CHRND: variants seen among roughly 807,000 people sequenced by gnomAD.
CHRND encodes cholinergic receptor nicotinic delta subunit, also known as acetylcholine receptor subunit delta.
In CHRND, 40 loss-of-function variants were observed where a neutral mutation model predicts 57.8. That is an observed-to-expected ratio of 0.69 (90% CI 0.54 to 0.90). The LOEUF is 0.90. CHRND is among the 40% of genes least tolerant of loss of function. The pLI is 0.00. For missense variants in CHRND, 634 were observed against 673.9 expected (o/e 0.94, Z 0.66); for synonymous variants, 237 against 270.6 (o/e 0.88, Z 1.22).
chr2:232,528,787 C>T, intron 5 of CHRND, 75 bp from the exon 6 acceptor site: 1 of 1,568,346 alleles, frequency 6.4e-7, no homozygotes. Flanking sequence ...CAATGGTCCT[C>T]CCTTACCAGC....
intron 11 of CHRND, among the ~76,000 whole-genome samples, 165 bp from the exon 12 acceptor site, chr2:232,534,965 G>A (rs1297716341): frequency 6.6e-6 from 1 of 152,226 alleles, no homozygotes. Context: ...GGCCAGAGGG[G>A]CCTGGGACCT....
chr2:232,531,399 G>A lies in CHRND; in HGVS notation c.868G>A (p.Val290Ile), dbSNP rs771806326. ...CATCTCGGTGCTCCTGGCTCAGTCT[G>A]TCTTCCTGCTGCTCATCTCCAAGCG... ...VAISVLLAQS[V>I]FLLLISKRLP... is the part of the protein sequence containing the mutation. Residue 290 changes from valine (V) to isoleucine (I), a missense_variant, in exon 8 of 12, where the codon GTC becomes ATC. Transcript: ENST00000258385. 6 of 1,613,708 alleles carry A rather than the reference G, an allele frequency of 3.7e-6. No individual in the cohort carries two copies. The South Asian group carries it at 4.4e-5, about 12-fold the overall frequency.
chr2:232,529,677 C>T (rs1025462253), intron 6 of CHRND, among the ~76,000 whole-genome samples: 1 of 152,208 alleles, frequency 6.6e-6, no homozygotes, highest in African/African-American at 2.4e-5. Flanking sequence ...AAAGATACTC[C>T]TTATTTGAGT....
chr2:232,526,609 G>A lies in CHRND; in HGVS notation c.133G>A (p.Val45Met), dbSNP rs372310402. The change falls in exon 2 of 12, where the codon GTG becomes ATG. Residue 45 changes from valine (V) to methionine (M), a missense_variant. By Grantham distance (21) the Val-to-Met change is conservative. Transcript: ENST00000258385. The stretch of plus-strand genomic sequence containing the variant: ...GGGCTACAACAAGGAGCTCCGGCCC[G>A]TGGCACACAAAGAGGAGAGTGTGGA... ...EKGYNKELRP[V>M]AHKEESVDVA... 38 of 1,613,716 alleles carry A rather than the reference G, an allele frequency of 2.4e-5. No individual in the cohort carries two copies. Among genetic ancestry groups the A allele is most frequent in the Middle Eastern group, 3.3e-4 (2 of 6,084 alleles).
Position 232,534,293 on chromosome 2 carries a change from G to A in CHRND, c.1322G>A (p.Gly441Glu). Residue 441 changes from glycine to glutamate, a missense_variant, in exon 11 of 12, where the codon GGG (glycine) becomes GAG (glutamate). Coordinates refer to ENST00000258385, the MANE Select transcript of CHRND (RefSeq NM_000751.3). ...AATGAGCTGAAGCCAGCTGTGGATG[G>A]GGCAAACTTCATTGTTAACCACATG... ...LFNELKPAVD[G>E]ANFIVNHMRD... 2 of 1,614,188 alleles carry A rather than the reference G, an allele frequency of 1.2e-6. No individual in the cohort carries two copies.
In CHRND at chr2:232,531,556, G is replaced by A; in HGVS notation, c.947G>A (p.Gly316Asp). Reference protein sequence around the residue: ...IPLIGKFLLFGMVLVTMVVVI... With the variant: ...IPLIGKFLLFDMVLVTMVVVI... ...TTTGCCCACAGGTTCCTGCTCTTCG[G>A]CATGGTGCTGGTCACCATGGTTGTG... is the stretch of plus-strand genomic sequence containing the variant. Residue 316 changes from glycine to aspartate, a missense_variant, in exon 9 of 12, where the codon GGC (glycine) becomes GAC (aspartate). Transcript: ENST00000258385. 4 of 1,614,104 alleles carry A rather than the reference G, an allele frequency of 2.5e-6. No individual in the cohort carries two copies. The highest frequency in any genetic ancestry group is 8.5e-7 in the Non-Finnish European group (1 of 1,180,022).
rs1263248508 is a variant in CHRND at position 232,535,874 on chromosome 2, G to C, written c.*562G>C. Reference sequence around the variant, plus strand: ...GGTCCCTTTGGGAAGTTGAGGACTGGAGTGGAAAGGTCAGGATCGACATCC... The same window carrying C: ...GGTCCCTTTGGGAAGTTGAGGACTGCAGTGGAAAGGTCAGGATCGACATCC... On this transcript the variant is annotated 3_prime_UTR_variant, in exon 12 of 12. Coordinates refer to ENST00000258385, the MANE Select transcript of CHRND (RefSeq NM_000751.3). 2 of 453,966 alleles carry C rather than the reference G, an allele frequency of 4.4e-6. No homozygotes were observed. Among genetic ancestry groups the C allele is most frequent in the Non-Finnish European group, 8.8e-6 (2 of 226,812 alleles). 28.1% of individuals were successfully genotyped at this position (453,966 alleles called of 1,614,324 possible).
intron 11 of CHRND, 39 bp downstream of exon 11, chr2:232,534,381 T>C: frequency 6.3e-7 from 1 of 1,576,684 alleles, no homozygotes; most frequent in Non-Finnish European, 8.7e-7. Context: ...GGTGTTCAAG[T>C]AGGGCACTGA....
chr2:232,534,247 C>T lies in CHRND; in HGVS notation c.1276C>T (p.Gln426Ter). 1 of 1,614,198 alleles carries T rather than the reference C, an allele frequency of 6.2e-7. No individual in the cohort carries two copies. ...TARRPPASSE[Q>*]AQQELFNELK... ...AGGCCGGCCCCCAGCAAGCTCTGAG[C>T]AGGCCCAGCAGGAACTCTTCAATGA... is the stretch of plus-strand genomic sequence containing the variant. The change falls in exon 11 of 12, where the codon CAG becomes TAG. Residue 426 changes from glutamine to a stop codon, truncating the protein, a stop_gained. Coordinates refer to ENST00000258385, the MANE Select transcript of CHRND (RefSeq NM_000751.3). LOFTEE classifies it high-confidence loss of function.
At chr2:232,528,830 G>A (rs200254416) in intron 5 of CHRND, 32 bp from the exon 6 acceptor site, 68 of 1,596,058 alleles carry the variant, frequency 4.3e-5, no homozygotes, top group East Asian at 3.8e-4. Context: ...GCCACTGGCC[G>A]AGTGTCACTC....
Position 232,529,851 on chromosome 2 carries a change from G to T in CHRND, c.620-88G>T, listed in dbSNP as rs900497802. 664 of 1,420,388 alleles carry T rather than the reference G, an allele frequency of 4.7e-4. 1 individual carries two copies. The highest frequency in any genetic ancestry group is 4.2e-3 in the Admixed American group (225 of 53,072). The allele number at this position is 1,420,388 out of a possible 1,614,324, so 88.0% of individuals were successfully genotyped here. A position where few individuals can be genotyped will look rare whatever the true frequency, so the allele number is the denominator to read the frequency against. The stretch of plus-strand genomic sequence containing the variant: ...CCCATCTGCGTCTCTGGACTGGCTT[G>T]CCCTGCCCAGCCCCTCATTCTGTCC... On this transcript the variant is annotated intron_variant, in intron 6 of 11. Coordinates refer to ENST00000258385, the MANE Select transcript of CHRND (RefSeq NM_000751.3).
chr2:232,528,534 C>G lies in CHRND; in HGVS notation c.387C>G (p.Cys129Trp), dbSNP rs1274705959. 1 of 1,614,172 alleles carries G rather than the reference C, an allele frequency of 6.2e-7. No individual in the cohort carries two copies. Among genetic ancestry groups the G allele is most frequent in the Non-Finnish European group, 8.5e-7 (1 of 1,180,040 alleles). ...NDGSFQISYS[C>W]NVLVYHYGFV... ...GCTCCTTCCAGATCTCCTACTCCTG[C>G]AACGTGCTTGTCTACCACTACGGCT... Residue 129 changes from cysteine (C) to tryptophan (W), a missense_variant, in exon 5 of 12, where the codon TGC becomes TGG. Coordinates refer to ENST00000258385, the MANE Select transcript of CHRND (RefSeq NM_000751.3).
Position 232,528,446 on chromosome 2 carries a change from C to T in CHRND, c.354-55C>T, listed in dbSNP as rs1691562601. The T allele has an allele frequency of 3.1e-6, 5 of 1,613,908 alleles. No homozygotes were observed. In the Admixed American group the frequency reaches 5.0e-5, roughly 16 times the overall value. ...CTTAAGCCTCCTCTGCCTCCCCCAA[C>T]TCTGCCAGTCGTGAGTGGCCAGAGC... On this transcript the variant is annotated intron_variant, in intron 4 of 11. Transcript: ENST00000258385.
chr2:232,534,211 C>T lies in CHRND; in HGVS notation c.1253-13C>T. On this transcript the variant is annotated splice_polypyrimidine_tract_variant and intron_variant, in intron 10 of 11. Coordinates refer to ENST00000258385, the MANE Select transcript of CHRND (RefSeq NM_000751.3). ...AGGCAGGCCTCACACCCACTCTGGC[C>T]CCTCGTCTGTAGGCCGGCCCCCAGC... The T allele has an allele frequency of 6.2e-7, 1 of 1,614,166 alleles. No homozygotes were observed. The highest frequency in any genetic ancestry group is 1.1e-5 in the South Asian group (1 of 91,082).
intron 3 of CHRND, 21 bp downstream of exon 3, chr2:232,527,466 C>A (rs372561197): frequency 6.2e-7 from 1 of 1,601,692 alleles, no homozygotes; most frequent in Non-Finnish European, 8.5e-7. Context: ...CCCTCCCAGC[C>A]GGGCGCAGTG....
chr2:232,530,048 C>T lies in CHRND; in HGVS notation c.729C>T (p.Arg243=), dbSNP rs1333379866. Residue 243 remains arginine (R), a synonymous_variant, in exon 7 of 12, where the codon CGC becomes CGT. Transcript: ENST00000258385. ...ACATCACCTTCTACCTCATCATCCG[C>T]CGCAAGCCCCTCTTCTACATCATCA... ...RQDITFYLII[R]RKPLFYIINI... 1 of 1,614,138 alleles carries T rather than the reference C, an allele frequency of 6.2e-7. No individual in the cohort carries two copies.
At position 232,535,913 on chromosome 2, in the gene CHRND, G is replaced by T. The variant is rs1165701863; in HGVS notation, c.*601G>T. 1 of 453,950 alleles carries T rather than the reference G, an allele frequency of 2.2e-6. No homozygotes were observed. The highest frequency in any genetic ancestry group is 4.4e-6 in the Non-Finnish European group (1 of 226,796). 28.1% of individuals were successfully genotyped at this position (453,950 alleles called of 1,614,324 possible). A position where few individuals can be genotyped will look rare whatever the true frequency, so the allele number is the denominator to read the frequency against. On this transcript the variant is annotated 3_prime_UTR_variant, in exon 12 of 12. Coordinates refer to ENST00000258385, the MANE Select transcript of CHRND (RefSeq NM_000751.3). ...GGATCGACATCCACAAAGACTTGGG[G>T]TCAGCCTGAGGTTGCACACACAATC...
At chr2:232,526,757 G>GC in intron 2 of CHRND, 83 bp downstream of exon 2, 1 of 1,461,172 alleles carries the variant, frequency 6.8e-7, no homozygotes, top group Non-Finnish European at 9.5e-7. Flanking sequence ...GAAGCTAGAA[G>GC]CCCCCACCTG....
chr2:232,533,514 G>A (rs762088909), intron 9 of CHRND, among the ~76,000 whole-genome samples: 14 of 152,170 alleles, frequency 9.2e-5, no homozygotes, highest in Non-Finnish European at 1.6e-4. Context: ...AGAGTCAGAC[G>A]GGGGAGCACT....
Sources: gnomAD v4.1 joint callset for allele counts (sites outside exome capture counted in the v4.1 genomes callset) on GRCh38, gnomAD v4.1.1 for gene constraint, MANE v1.5 for transcripts, NCBI Gene and HGNC (gene_info 2026-07-23, HGNC 2026-07-21) for gene names.